MICAL2: variants seen among roughly 807,000 people sequenced by gnomAD.
The protein encoded by MICAL2 is microtubule associated monooxygenase, calponin and LIM domain containing 2, also known as [F-actin]-monooxygenase MICAL2.
MICAL2 carries 77 observed loss-of-function variants against 127.3 expected under a neutral mutation model. The observed-to-expected ratio is 0.60, with a 90% CI of 0.50 to 0.73. The LOEUF (loss-of-function observed/expected upper bound fraction) is 0.73. MICAL2 is among the 30% of genes least tolerant of loss of function. The probability of loss-of-function intolerance (pLI) is 0.00; values close to 1 mark genes in which losing one functional copy is unlikely to be tolerated. For missense variants in MICAL2, 1,351 were observed against 1,434.4 expected (o/e 0.94, Z 0.94); for synonymous variants, 570 against 551.1 (o/e 1.03, Z -0.48).
intron 8 of MICAL2, among the ~76,000 whole-genome samples, chr11:12,217,070 G>T (rs1042629188): frequency 1.3e-5 from 2 of 152,166 alleles, no homozygotes; most frequent in African/African-American, 4.8e-5. Flanking sequence ...TTGGAAGGAA[G>T]AAACATGGAG....
intron 4 of MICAL2, among the ~76,000 whole-genome samples, chr11:12,204,842 G>T (rs1447500753): frequency 1.3e-5 from 2 of 152,180 alleles, no homozygotes; most frequent in Non-Finnish European, 2.9e-5. Context: ...TTTGTTGGTG[G>T]TAATGTGTTC....
downstream of MICAL2, chr11:12,293,812 C>G: frequency 6.2e-7 from 1 of 1,606,212 alleles, no homozygotes; most frequent in Non-Finnish European, 8.5e-7. Flanking sequence ...TCGGAAGCAA[C>G]CACAGAGACC....
intron 3 of MICAL2, among the ~76,000 whole-genome samples, chr11:12,201,064 G>T (rs1860657564): frequency 1.3e-5 from 2 of 152,012 alleles, no homozygotes. Context: ...TCATTGTCTG[G>T]CTATGTCCAA....
Position 12,239,497 on chromosome 11 carries a change from G to C in MICAL2, c.2126G>C (p.Gly709Ala), listed in dbSNP as rs368460136. The change falls in exon 17 of 28, where the codon GGT (glycine) becomes GCT (alanine). Residue 709 changes from glycine to alanine, a missense_variant. This residue lies in a region of MICAL2 where 752 missense variants were observed against 719.4 expected (regional missense o/e 1.05). Transcript: ENST00000683283. ...CAAGAGTGTGGGAGCAGTAAGGAAGGTGGAAATCAGAACAAAGTCAAGTCC... is the reference window on the plus strand; with the variant it reads ...CAAGAGTGTGGGAGCAGTAAGGAAGCTGGAAATCAGAACAAAGTCAAGTCC... ...SNQECGSSKE[G>A]GNQNKVKSMA... The C allele has an allele frequency of 6.2e-7, 1 of 1,614,228 alleles. No homozygotes were observed. Among genetic ancestry groups the C allele is most frequent in the South Asian group, 1.1e-5 (1 of 91,078 alleles).
intron 3 of MICAL2, among the ~76,000 whole-genome samples, chr11:12,192,240 G>A (rs1859277235): frequency 6.6e-6 from 1 of 152,216 alleles, no homozygotes. Flanking sequence ...ACGTGCAAGT[G>A]CAGGTGGGCA....
At chr11:12,172,286 C>A (rs1304848093) in intron 3 of MICAL2, among the ~76,000 whole-genome samples, 1 of 152,182 alleles carries the variant, frequency 6.6e-6, no homozygotes, top group Admixed American at 6.5e-5. Flanking sequence ...GATTCCCCAG[C>A]ACCTAGGAAA....
chr11:12,199,197 C>T (rs542384974), intron 3 of MICAL2, among the ~76,000 whole-genome samples: 78 of 152,150 alleles, frequency 5.1e-4, no homozygotes, highest in Non-Finnish European at 1.0e-3. Context: ...TTTTCAGTGC[C>T]TTAGTTACCT....
At chr11:12,337,374 A>C (rs1285615163) in intron 32 of MICAL2, among the ~76,000 whole-genome samples, 1 of 152,072 alleles carries the variant, frequency 6.6e-6, no homozygotes, top group Non-Finnish European at 1.5e-5. Context: ...CTAGCGGTCT[A>C]TCAATTTTGT....
upstream of MICAL2, among the ~76,000 whole-genome samples, chr11:12,275,398 A>G (rs1863714265): frequency 6.6e-6 from 1 of 152,216 alleles, no homozygotes; most frequent in South Asian, 2.1e-4. Context: ...CATCAAGAGC[A>G]TGAGTGTAGA....
chr11:12,231,120 C>T (rs761612647), intron 15 of MICAL2, among the ~76,000 whole-genome samples: 1 of 152,212 alleles, frequency 6.6e-6, no homozygotes, highest in Non-Finnish European at 1.5e-5. Context: ...GACATACACC[C>T]TCAGACTCAC....
Position 12,182,739 on chromosome 11 carries a change from C to T in MICAL2, c.264+20320C>T, listed in dbSNP as rs911624994. Among the ~76,000 whole-genome samples, 19 of 152,188 alleles carry T rather than the reference C, an allele frequency of 1.2e-4. 1 individual carries two copies. Among genetic ancestry groups the T allele is most frequent in the Admixed American group, 6.5e-4 (10 of 15,272 alleles). The stretch of plus-strand genomic sequence containing the variant: ...GATGGCTAGTCTTCCCTTCCTGGAG[C>T]AGCAGTGAGACGTTCAGACCCTTTC... On this transcript the variant is annotated intron_variant, in intron 3 of 27. Transcript: ENST00000683283.
chr11:12,130,004 C>A (rs112488844), intron 1 of MICAL2, among the ~76,000 whole-genome samples: 1 of 152,208 alleles, frequency 6.6e-6, no homozygotes, highest in Admixed American at 6.5e-5. Flanking sequence ...TGAGCCACTG[C>A]GCCCAGGCTA....
downstream of MICAL2, chr11:12,293,520 A>G (rs767204295): frequency 1.3e-6 from 2 of 1,534,958 alleles, no homozygotes; most frequent in Non-Finnish European, 1.8e-6. Context: ...ATAAATGATG[A>G]AAATTTTTAA....
chr11:12,246,246 A>G (rs1164541253), intron 21 of MICAL2, among the ~76,000 whole-genome samples: 1 of 152,254 alleles, frequency 6.6e-6, no homozygotes, highest in Admixed American at 6.5e-5. Flanking sequence ...TGTCCCCATC[A>G]CATCAGCATC....
chr11:12,281,223 G>A (rs1863767281), intron 2 of MICAL2: 2 of 397,160 alleles, frequency 5.0e-6, no homozygotes, highest in East Asian at 7.1e-5. Flanking sequence ...TCAAGGCGGT[G>A]GGGCTAGGAC....
At chr11:12,142,115 T>C (rs767379936) in intron 2 of MICAL2, among the ~76,000 whole-genome samples, 1 of 152,160 alleles carries the variant, frequency 6.6e-6, no homozygotes, top group Non-Finnish European at 1.5e-5. Flanking sequence ...CCATGTTGCC[T>C]CCTCATGTGG....
At chr11:12,342,902 A>C (rs925884157) in intron 32 of MICAL2, among the ~76,000 whole-genome samples, 3 of 152,198 alleles carry the variant, frequency 2.0e-5, no homozygotes, top group Non-Finnish European at 4.4e-5. Flanking sequence ...GTCAGGACCC[A>C]CAGGAAGGAA....
chr11:12,159,532 C>T (rs1285119142), intron 2 of MICAL2, among the ~76,000 whole-genome samples: 1 of 152,172 alleles, frequency 6.6e-6, no homozygotes, highest in African/African-American at 2.4e-5. Context: ...TTGTCTGTTA[C>T]AGTAAGGGAA....
At chr11:12,304,546 A>T (rs1864085536) in intron 29 of MICAL2, among the ~76,000 whole-genome samples, 1 of 151,974 alleles carries the variant, frequency 6.6e-6, no homozygotes, top group Admixed American at 6.6e-5. Flanking sequence ...GAGGCAAGAG[A>T]ATTGCTTGAA....
Sources: gnomAD v4.1 joint callset for allele counts (sites outside exome capture counted in the v4.1 genomes callset) on GRCh38, gnomAD v4.1.1 for gene constraint, gnomAD v4.1.1 regional missense constraint, MANE v1.5 for transcripts, NCBI Gene and HGNC (gene_info 2026-07-23, HGNC 2026-07-21) for gene names.